Variants in IL13RA2 observed in about 807,000 individuals in gnomAD.
The protein encoded by IL13RA2 is interleukin-13 receptor subunit alpha-2.
In IL13RA2, 25 loss-of-function variants were observed where a neutral mutation model predicts 34.1. The observed-to-expected ratio is 0.73, with a 90% CI of 0.53 to 1.03. The LOEUF (loss-of-function observed/expected upper bound fraction) is 1.03. Among genes scored for constraint, IL13RA2 ranks in the 50% least tolerant of loss-of-function variants. IL13RA2 has a pLI of 0.00. For synonymous variants in IL13RA2, 106 were observed against 100.4 expected (o/e 1.06, Z -0.33); for missense variants, 297 against 280.9 (o/e 1.06, Z -0.41).
intron 5 of IL13RA2, among the ~76,000 whole-genome samples, 169 bp from the exon 6 acceptor site, chrX:115,010,997 GA>G (rs17095041): frequency 0.068 from 7,543 of 111,347 alleles, 681 homozygotes; most frequent in African/African-American, 0.23. Flanking sequence ...AAGCAATAGG[GA>G]AAAAACAGTA....
chrX:115,014,743 C>A (rs1043318687), intron 3 of IL13RA2, among the ~76,000 whole-genome samples, 169 bp from the exon 4 acceptor site: 1 of 111,456 alleles, frequency 9.0e-6, no homozygotes, highest in Non-Finnish European at 1.9e-5. Context: ...GCAGAGCTCA[C>A]CTCTGTATGT....
chrX:115,016,491 C>G (rs17095086), intron 2 of IL13RA2, among the ~76,000 whole-genome samples: 13,328 of 108,214 alleles, frequency 0.12, 693 homozygotes, highest in Middle Eastern at 0.16. Flanking sequence ...TATCTCTGTG[C>G]TCATGTACGC....
intron 4 of IL13RA2, 30 bp from the exon 5 acceptor site, chrX:115,013,919 A>G (rs368648848): frequency 2.0e-6 from 2 of 982,350 alleles, no homozygotes; most frequent in Non-Finnish European, 2.9e-6. Flanking sequence ...TGAATGTTTG[A>G]AAGGCTTGGT....
At chrX:115,007,788 A>G (rs2071690878) in intron 8 of IL13RA2, 144 bp downstream of exon 8, 1 of 405,191 alleles carries the variant, frequency 2.5e-6, no homozygotes, top group South Asian at 6.1e-5. Context: ...TCTTTATTCA[A>G]TTGAAGTGCT....
chrX:115,009,057 A>C (rs1397985887), intron 7 of IL13RA2, among the ~76,000 whole-genome samples: 1 of 111,691 alleles, frequency 9.0e-6, no homozygotes, highest in Non-Finnish European at 1.9e-5. Flanking sequence ...GCATCACCAC[A>C]TTGTTGGTGC....
In IL13RA2 at chrX:115,009,426, C is replaced by A. The variant is rs1201594748; in HGVS notation, c.852+95G>T. ...ACTAAGATATATGTCATGTTCTGTC[C>A]CTCACGTGGATGCAACTGATTTTGG... On this transcript the variant is annotated intron_variant, in intron 7 of 9. Transcript: ENST00000243213. 6.1e-6 allele frequency: 4 copies of A among 651,753 alleles called. No homozygotes were observed. The African/African-American group carries it at 6.6e-5, about 11-fold the overall frequency. 53.7% of individuals were successfully genotyped at this position (651,753 alleles called of 1,213,427 possible). A position where few individuals can be genotyped will look rare whatever the true frequency, so the allele number is the denominator to read the frequency against.
At position 115,013,904 on chromosome X, in the gene IL13RA2, A is replaced by G. The variant is rs1556509218; in HGVS notation, c.401-15T>C. ...TTCTGGAATTCCTAAGGAACAAATCAACTGTGAATGTTTGAAAGGCTTGGT... is the reference window on the plus strand; with the variant it reads ...TTCTGGAATTCCTAAGGAACAAATCGACTGTGAATGTTTGAAAGGCTTGGT... On this transcript the variant is annotated splice_polypyrimidine_tract_variant and intron_variant, in intron 4 of 9. Coordinates refer to ENST00000243213, the MANE Select transcript of IL13RA2 (RefSeq NM_000640.3). The G allele has an allele frequency of 2.9e-6, 3 of 1,033,984 alleles. No homozygotes were observed. Among genetic ancestry groups the G allele is most frequent in the Non-Finnish European group, 2.7e-6 (2 of 737,613 alleles). The allele number at this position is 1,033,984 out of a possible 1,213,427, so 85.2% of individuals were successfully genotyped here.
intron 8 of IL13RA2, 74 bp from the exon 9 acceptor site, chrX:115,005,389 A>G: frequency 1.7e-6 from 1 of 589,040 alleles, no homozygotes; most frequent in Non-Finnish European, 3.0e-6. Flanking sequence ...ATTATTTTAT[A>G]AATACTTCAG....
At chrX:115,015,429 C>T (rs1016731678) in intron 3 of IL13RA2, among the ~76,000 whole-genome samples, 14 of 111,440 alleles carry the variant, frequency 1.3e-4, no homozygotes, top group Non-Finnish European at 2.6e-4. Flanking sequence ...TCATATTGCA[C>T]GAGACCGAGT....
rs1413588294 is a variant in IL13RA2, at chrX:115,007,963, C to A, written c.966G>T (p.Trp322Cys). 1 of 1,134,318 alleles carries A rather than the reference C, an allele frequency of 8.8e-7. No individual in the cohort carries two copies. The highest frequency in any genetic ancestry group is 1.2e-6 in the Non-Finnish European group (1 of 828,225). 93.5% of individuals were successfully genotyped at this position (1,134,318 alleles called of 1,213,427 possible). A position where few individuals can be genotyped will look rare whatever the true frequency, so the allele number is the denominator to read the frequency against. Residue 322 changes from tryptophan (W) to cysteine (C), a missense_variant, in exon 8 of 10, where the codon TGG becomes TGT. By Grantham distance (215) the Trp-to-Cys change is radical (BLOSUM62 -2). Coordinates refer to ENST00000243213, the MANE Select transcript of IL13RA2 (RefSeq NM_000640.3). The part of the protein sequence containing the change: ...VNIYCSDDGI[W>C]SEWSDKQCWE... ...AGCATTGTTTATCACTCCACTCACTCCAAATTCCGTCATCTGAGCAATAAA... is the reference window on the plus strand; with the variant it reads ...AGCATTGTTTATCACTCCACTCACTACAAATTCCGTCATCTGAGCAATAAA...
intron 4 of IL13RA2, 53 bp downstream of exon 4, chrX:115,014,368 C>T: frequency 1.1e-6 from 1 of 938,805 alleles, no homozygotes; most frequent in Non-Finnish European, 1.5e-6. Flanking sequence ...GGACTTATTC[C>T]CAAATGAATT....
rs782379686 is a variant in IL13RA2, at chrX:115,015,696, G to T, written c.220C>A (p.Arg74=). 2 of 1,203,472 alleles carry T rather than the reference G, an allele frequency of 1.7e-6. No homozygotes were observed. Among genetic ancestry groups the T allele is most frequent in the South Asian group, 1.8e-5 (1 of 56,723 alleles). Residue 74 remains arginine (R), a synonymous_variant, in exon 3 of 10, where the codon CGA becomes AGA. Transcript: ENST00000243213. ...ECTVEYELKY[R]NIGSETWKTI... ...TTCCATGTTTCACTACCAATGTTTC[G>T]GTATTTTAGTTCATATTCCACTGTG...
intron 8 of IL13RA2, among the ~76,000 whole-genome samples, chrX:115,005,924 T>C (rs1288986795): frequency 1.8e-5 from 2 of 112,210 alleles, no homozygotes; most frequent in African/African-American, 6.5e-5. Flanking sequence ...GAGCAATCAC[T>C]AGGCAAACTT....
At chrX:115,011,307 T>C (rs782626128) in intron 5 of IL13RA2, among the ~76,000 whole-genome samples, 4 of 111,551 alleles carry the variant, frequency 3.6e-5, no homozygotes, top group Non-Finnish European at 5.7e-5. Flanking sequence ...GAGTATACAA[T>C]ACACATCAAG....
Position 115,010,781 on chromosome X carries a change from G to T in IL13RA2, c.569C>A (p.Ala190Asp). The T allele has an allele frequency of 8.8e-7, 1 of 1,136,021 alleles. No homozygotes were observed. Among genetic ancestry groups the T allele is most frequent in the Non-Finnish European group, 1.2e-6 (1 of 838,590 alleles). The allele number at this position is 1,136,021 out of a possible 1,213,427, so 93.6% of individuals were successfully genotyped here. A position where few individuals can be genotyped will look rare whatever the true frequency, so the allele number is the denominator to read the frequency against. ...HALQCVDYIK[A>D]DGQNIGCRFP... ...TCTGCATCCTATATTTTGTCCATCAGCCTTGATGTAATCAACACACTGTAA... is the reference window on the plus strand; with the variant it reads ...TCTGCATCCTATATTTTGTCCATCATCCTTGATGTAATCAACACACTGTAA... The change falls in exon 6 of 10, where the codon GCT becomes GAT. Residue 190 changes from alanine to aspartate, a missense_variant. Transcript: ENST00000243213.
chrX:115,008,115 C>T (rs1556508083), intron 7 of IL13RA2, 39 bp from the exon 8 acceptor site: 8 of 933,545 alleles, frequency 8.6e-6, no homozygotes, highest in South Asian at 2.0e-5. Context: ...ATTATTTGAT[C>T]TAGTTGCAAC....
At position 115,017,547 on chromosome X, in the gene IL13RA2, C is replaced by T. The variant is rs1556510491; in HGVS notation, c.-34+6G>A. Reference sequence around the variant, plus strand: ...AAGCTAAGCAAAAACCCTTGTAGCTCCTCACCTCCCCGCCGACAGGCACAC... The same window carrying T: ...AAGCTAAGCAAAAACCCTTGTAGCTTCTCACCTCCCCGCCGACAGGCACAC... On this transcript the variant is annotated splice_donor_region_variant and intron_variant, in intron 1 of 9. Transcript: ENST00000243213. 1 of 234,268 alleles carries T rather than the reference C, an allele frequency of 4.3e-6. No individual in the cohort carries two copies. The highest frequency in any genetic ancestry group is 3.0e-5 in the African/African-American group (1 of 32,853). 19.3% of individuals were successfully genotyped at this position (234,268 alleles called of 1,213,427 possible).
At chrX:115,014,360 A>T (rs1602977013) in intron 4 of IL13RA2, 61 bp downstream of exon 4, 2 of 863,671 alleles carry the variant, frequency 2.3e-6, no homozygotes, top group East Asian at 6.3e-5. Context: ...AGATTAAGGG[A>T]CTTATTCCCA....
At chrX:115,011,211 T>C (rs2071704778) in intron 5 of IL13RA2, among the ~76,000 whole-genome samples, 1 of 111,955 alleles carries the variant, frequency 8.9e-6, no homozygotes, top group African/African-American at 3.2e-5. Flanking sequence ...TTTTAAGTTA[T>C]TTTACTGGGG....
Sources: gnomAD v4.1 joint callset for allele counts (sites outside exome capture counted in the v4.1 genomes callset) on GRCh38, gnomAD v4.1.1 for gene constraint, MANE v1.5 for transcripts, NCBI Gene and HGNC (gene_info 2026-07-23, HGNC 2026-07-21) for gene names.